Variants in PPFIA1 observed in about 807,000 individuals in gnomAD.
PPFIA1 encodes PPFI scaffold protein A1, also known as liprin-alpha-1.
In PPFIA1, 25 loss-of-function variants were observed where a neutral mutation model predicts 149.9. The ratio of observed to expected loss-of-function variants is 0.17; its 90% CI spans 0.12 to 0.23. The LOEUF (loss-of-function observed/expected upper bound fraction) is 0.23, where lower values mean the gene tolerates loss of function less well. PPFIA1 is among the 10% of genes least tolerant of loss of function. The pLI, the probability that PPFIA1 is intolerant of heterozygous loss-of-function variation, is 1.00. For synonymous variants in PPFIA1, 549 were observed against 552.8 expected (o/e 0.99, Z 0.10); for missense variants, 1,362 against 1,506.5 (o/e 0.90, Z 1.59).
At chr11:70,340,125 CCT>C (rs2055226913) in intron 14 of PPFIA1, among the ~76,000 whole-genome samples, 1 of 151,274 alleles carries the variant, frequency 6.6e-6, no homozygotes, top group Admixed American at 6.6e-5. Context: ...CAGGGAGACC[CCT>C]GTCTCTATTA....
chr11:70,303,822 A>G (rs1473496958), intron 2 of PPFIA1, among the ~76,000 whole-genome samples: 2 of 152,142 alleles, frequency 1.3e-5, no homozygotes, highest in African/African-American at 2.4e-5. Context: ...CCTGGCCAAC[A>G]TGGTGAAACC....
At chr11:70,365,797 A>G (rs563248366) in intron 21 of PPFIA1, 3 of 375,938 alleles carry the variant, frequency 8.0e-6, no homozygotes, top group African/African-American at 4.2e-5. Flanking sequence ...TTGGTTTTGC[A>G]TGAGTTTTGC....
chr11:70,315,878 C>A (rs551026386), intron 2 of PPFIA1, among the ~76,000 whole-genome samples: 1 of 151,858 alleles, frequency 6.6e-6, no homozygotes, highest in African/African-American at 2.4e-5. Context: ...CCCTATCTCA[C>A]CCTCCCCACC....
At chr11:70,303,302 G>A (rs2052614262) in intron 2 of PPFIA1, among the ~76,000 whole-genome samples, 1 of 152,092 alleles carries the variant, frequency 6.6e-6, no homozygotes, top group Admixed American at 6.5e-5. Context: ...GACAAGTCTT[G>A]GAAAGCGGTC....
Position 70,339,463 on chromosome 11 carries a change from T to A in PPFIA1, c.1707+157T>A, listed in dbSNP as rs556047074. ...GACTAAGAGTTTAGCTTTTAGAGCA[T>A]TTTTTAAAATAGGGTTTTGTTTTTG... On this transcript the variant is annotated intron_variant, in intron 14 of 27. Coordinates refer to ENST00000253925, the MANE Select transcript of PPFIA1 (RefSeq NM_003626.5). Among the ~76,000 whole-genome samples, 17 of 152,300 alleles carry A rather than the reference T, an allele frequency of 1.1e-4. No homozygotes were observed. In the East Asian group the frequency reaches 3.1e-3, roughly 28 times the overall value.
At chr11:70,369,381 C>T (rs991115697) in intron 21 of PPFIA1, among the ~76,000 whole-genome samples, 8 of 152,004 alleles carry the variant, frequency 5.3e-5, no homozygotes, top group Non-Finnish European at 1.2e-4. Context: ...GTTGACTTGG[C>T]AATATTTTGT....
chr11:70,354,325 C>G lies in PPFIA1; in HGVS notation c.2188C>G (p.Arg730Gly). Residue 730 changes from arginine to glycine, a missense_variant, in exon 17 of 28, where the codon CGA (arginine) becomes GGA (glycine). Coordinates refer to ENST00000253925, the MANE Select transcript of PPFIA1 (RefSeq NM_003626.5). Reference sequence around the variant, plus strand: ...GTTGCCACCTTCCAGAGAAGAGGTACGAGATGACAAGACAACCATAAAGTG... The same window carrying G: ...GTTGCCACCTTCCAGAGAAGAGGTAGGAGATGACAAGACAACCATAAAGTG... ...TLLPPSREEV[R>G]DDKTTIKCET... is the part of the protein sequence containing the mutation. 6.2e-7 allele frequency: 1 copy of G among 1,613,802 alleles called. No individual in the cohort carries two copies. The highest frequency in any genetic ancestry group is 1.1e-5 in the South Asian group (1 of 91,006).
chr11:70,378,346 ACT>A lies in PPFIA1; in HGVS notation c.3550+154_3550+155del, dbSNP rs2057572773. On this transcript the variant is annotated intron_variant, in intron 26 of 27. Coordinates refer to ENST00000253925, the MANE Select transcript of PPFIA1 (RefSeq NM_003626.5). ...TCCAAATATAAATGTTTTTAAATTA[ACT>A]CTAACATTTGTTTATAAAAGTTTAA... 5 of 1,315,516 alleles carry A rather than the reference ACT, an allele frequency of 3.8e-6. No individual in the cohort carries two copies. The Admixed American group carries it at 1.8e-4, about 47-fold the overall frequency. 81.5% of individuals were successfully genotyped at this position (1,315,516 alleles called of 1,614,324 possible).
At chr11:70,311,286 C>T (rs1175951567) in intron 2 of PPFIA1, among the ~76,000 whole-genome samples, 1 of 146,722 alleles carries the variant, frequency 6.8e-6, no homozygotes, top group Non-Finnish European at 1.5e-5. Flanking sequence ...CCAGCCTGGA[C>T]AGCAAGAGTG....
chr11:70,362,221 G>C (rs1399200800), intron 20 of PPFIA1, 45 bp downstream of exon 20: 8 of 1,607,358 alleles, frequency 5.0e-6, no homozygotes, highest in Middle Eastern at 1.7e-4. Flanking sequence ...TACAGTATGT[G>C]AACTTACTGT....
chr11:70,273,548 G>A (rs571844540), intron 2 of PPFIA1, among the ~76,000 whole-genome samples: 57 of 152,148 alleles, frequency 3.7e-4, no homozygotes, highest in Admixed American at 7.2e-4. Flanking sequence ...ATTTATACTC[G>A]CATGATGGGT....
chr11:70,371,039 C>T (rs941267269), intron 21 of PPFIA1, among the ~76,000 whole-genome samples: 2 of 152,120 alleles, frequency 1.3e-5, no homozygotes, highest in Non-Finnish European at 1.5e-5. Flanking sequence ...AGGCTGAGGC[C>T]GGAGAATGAC....
intron 2 of PPFIA1, among the ~76,000 whole-genome samples, chr11:70,280,811 T>G (rs1270239892): frequency 2.6e-5 from 4 of 152,126 alleles, no homozygotes; most frequent in Non-Finnish European, 5.9e-5. Flanking sequence ...CAAGTGAGCC[T>G]CCTACCTTGA....
At chr11:70,361,363 A>T (rs1334015521) in intron 19 of PPFIA1, among the ~76,000 whole-genome samples, 1 of 152,136 alleles carries the variant, frequency 6.6e-6, no homozygotes, top group Admixed American at 6.5e-5. Flanking sequence ...ACTTCAAATC[A>T]TCTCTAGGTT....
intron 14 of PPFIA1, among the ~76,000 whole-genome samples, chr11:70,340,363 C>T (rs1408440125): frequency 6.6e-6 from 1 of 152,104 alleles, no homozygotes; most frequent in East Asian, 1.9e-4. Flanking sequence ...CCCTTTGAGC[C>T]CCGGGAGGTC....
At chr11:70,315,826 C>T (rs1271062065) in intron 2 of PPFIA1, among the ~76,000 whole-genome samples, 1 of 151,716 alleles carries the variant, frequency 6.6e-6, no homozygotes, top group African/African-American at 2.4e-5. Context: ...AGAACTTCCT[C>T]ATCTTCCCAA....
In PPFIA1 at chr11:70,383,024, G is replaced by A. The variant is rs757791548; in HGVS notation, c.*34G>A. On this transcript the variant is annotated 3_prime_UTR_variant, in exon 28 of 28. Coordinates refer to ENST00000253925, the MANE Select transcript of PPFIA1 (RefSeq NM_003626.5). The stretch of plus-strand genomic sequence containing the variant: ...CCAGTTTACCCACACTACTTCTACA[G>A]ATGATTATGCAGCATTTGAATCCAA... 15 of 415,086 alleles carry A rather than the reference G, an allele frequency of 3.6e-5. No homozygotes were observed. Among genetic ancestry groups the A allele is most frequent in the Non-Finnish European group, 7.0e-5 (15 of 214,362 alleles). The allele number at this position is 415,086 out of a possible 1,614,324, so 25.7% of individuals were successfully genotyped here.
At chr11:70,314,879 G>C (rs1362212214) in intron 2 of PPFIA1, among the ~76,000 whole-genome samples, 1 of 152,158 alleles carries the variant, frequency 6.6e-6, no homozygotes. Flanking sequence ...TCACAGTTCC[G>C]CATGGCTGGG....
Position 70,272,275 on chromosome 11 carries a change from C to T in PPFIA1, c.103C>T (p.His35Tyr). Residue 35 changes from histidine (H) to tyrosine (Y), a missense_variant, in exon 2 of 28, where the codon CAT becomes TAT. By Grantham distance (83) the His-to-Tyr change is moderately conservative. This residue lies in a region of PPFIA1 where 100 missense variants were observed against 106.2 expected (regional missense o/e 0.94). Coordinates refer to ENST00000253925, the MANE Select transcript of PPFIA1 (RefSeq NM_003626.5). ...CCCTTCACAGCCAGATGCAGATTCACATTTTGAACAGTTGATGGTCTCCAT... is the reference window on the plus strand; with the variant it reads ...CCCTTCACAGCCAGATGCAGATTCATATTTTGAACAGTTGATGGTCTCCAT... ...GSPSQPDADS[H>Y]FEQLMVSMLE... 1 of 1,614,174 alleles carries T rather than the reference C, an allele frequency of 6.2e-7. No homozygotes were observed. Among genetic ancestry groups the T allele is most frequent in the Non-Finnish European group, 8.5e-7 (1 of 1,180,042 alleles).
Sources: allele counts gnomAD v4.1 joint callset (sites outside exome capture counted in the v4.1 genomes callset), GRCh38; gene constraint gnomAD v4.1.1; regional missense constraint gnomAD v4.1.1; transcripts MANE v1.5; gene names NCBI Gene and HGNC (gene_info 2026-07-23, HGNC 2026-07-21).